HMCN2: variants seen among roughly 807,000 people sequenced by gnomAD.
The protein encoded by HMCN2 is hemicentin-2.
HMCN2 carries 325 observed loss-of-function variants against 377.5 expected under a neutral mutation model. The ratio of observed to expected loss-of-function variants is 0.86; its 90% CI spans 0.79 to 0.94. HMCN2 has a LOEUF of 0.94. Among genes scored for constraint, HMCN2 ranks in the 40% least tolerant of loss-of-function variants. The pLI, the probability that HMCN2 is intolerant of heterozygous loss-of-function variation, is 0.00. For missense variants in HMCN2, 4,543 were observed against 4,725.3 expected (o/e 0.96, Z 1.13); for synonymous variants, 2,007 against 2,046.8 (o/e 0.98, Z 0.53).
chr9:130,364,627 G>A (rs894440649), intron 40 of HMCN2, 87 bp from the exon 41 acceptor site: 2 of 688,772 alleles, frequency 2.9e-6, no homozygotes, highest in South Asian at 1.3e-4. Flanking sequence ...GCTGCTGCGA[G>A]TAGCTAGGCC....
At position 130,304,691 on chromosome 9, in the gene HMCN2, C is replaced by T; in HGVS notation, c.1544-39C>T. ...CTTGCACGATGACCCCCTCCCTTGC[C>T]TCAGCTCCTTGGTTCCTCCTGTGCT... On this transcript the variant is annotated intron_variant, in intron 10 of 97. Transcript: ENST00000683500. This position sits in a 1 kb window ranked among gnomAD's most constrained non-coding sequence, Gnocchi z 4.3. 5 of 436,764 alleles carry T rather than the reference C, an allele frequency of 1.1e-5. No individual in the cohort carries two copies. Among genetic ancestry groups the T allele is most frequent in the South Asian group, 6.6e-5 (4 of 60,352 alleles). 27.1% of individuals were successfully genotyped at this position (436,764 alleles called of 1,614,324 possible). A position where few individuals can be genotyped will look rare whatever the true frequency, so the allele number is the denominator to read the frequency against.
chr9:130,418,779 G>A lies in HMCN2; in HGVS notation c.12969G>A (p.Pro4323=), dbSNP rs1218953631. The A allele has an allele frequency of 1.3e-5, 18 of 1,434,406 alleles. No homozygotes were observed. Among genetic ancestry groups the A allele is most frequent in the South Asian group, 1.6e-5 (1 of 64,428 alleles). 88.9% of individuals were successfully genotyped at this position (1,434,406 alleles called of 1,614,324 possible). A position where few individuals can be genotyped will look rare whatever the true frequency, so the allele number is the denominator to read the frequency against. The part of the protein sequence containing the change: ...KVVILVLQSA[P]VFQVEPQDMT... Reference sequence around the variant, plus strand: ...CACCTGGGCCTCCCACAGGTGCTCCGGTGTTCCAGGTGGAGCCCCAGGACA... The same window carrying A: ...CACCTGGGCCTCCCACAGGTGCTCCAGTGTTCCAGGTGGAGCCCCAGGACA... The change falls in exon 86 of 98, where the codon CCG becomes CCA. Residue 4323 remains proline, a synonymous_variant. Coordinates refer to ENST00000683500, the MANE Select transcript of HMCN2 (RefSeq NM_001291815.2).
chr9:130,417,685 G>A (rs1470812722), intron 85 of HMCN2, among the ~76,000 whole-genome samples: 14 of 152,186 alleles, frequency 9.2e-5, no homozygotes, highest in Admixed American at 5.2e-4. Flanking sequence ...TGGAAGAGGT[G>A]AGGAATGGGC....
chr9:130,303,794 G>A lies in HMCN2; in HGVS notation c.1543+186G>A, dbSNP rs538683656. 6.6e-6 allele frequency among the ~76,000 whole-genome samples: 1 copy of A among 152,344 alleles called. No individual in the cohort carries two copies. The highest frequency in any genetic ancestry group is 1.5e-5 in the Non-Finnish European group (1 of 68,034). On this transcript the variant is annotated intron_variant, in intron 10 of 97. Coordinates refer to ENST00000683500, the MANE Select transcript of HMCN2 (RefSeq NM_001291815.2). This position sits in a 1 kb window ranked among gnomAD's most constrained non-coding sequence, Gnocchi z 5.2. ...GGGCCGTCTCACCCAGGAACGGCCT[G>A]TGGGTCTCCGCTGGAGGAAGGCTGA... is the stretch of plus-strand genomic sequence containing the variant.
At chr9:130,278,748 A>G (rs1360199215) in intron 1 of HMCN2, among the ~76,000 whole-genome samples, 1 of 150,672 alleles carries the variant, frequency 6.6e-6, no homozygotes, top group African/African-American at 2.4e-5. Flanking sequence ...ACACCCGGCT[A>G]ATTTTGTATT....
At position 130,399,546 on chromosome 9, in the gene HMCN2, C is replaced by G. The variant is rs1015696665; in HGVS notation, c.11519C>G (p.Pro3840Arg). The stretch of plus-strand genomic sequence containing the variant: ...TCCAACGCCCTGCTCCTCACGGCCC[C>G]CGGCCCCCAGGACTCAGCCCAGTTT... ...LPSNALLLTA[P>R]GPQDSAQFEC... Residue 3840 changes from proline to arginine, a missense_variant, in exon 76 of 98, where the codon CCC becomes CGC. Transcript: ENST00000683500. 7.8e-7 allele frequency: 1 copy of G among 1,289,442 alleles called. No homozygotes were observed. The highest frequency in any genetic ancestry group is 1.5e-5 in the African/African-American group (1 of 65,872). 79.9% of individuals were successfully genotyped at this position (1,289,442 alleles called of 1,614,324 possible). A position where few individuals can be genotyped will look rare whatever the true frequency, so the allele number is the denominator to read the frequency against.
chr9:130,382,030 G>A lies in HMCN2; in HGVS notation c.8432-154G>A, dbSNP rs73670541. On this transcript the variant is annotated intron_variant, in intron 54 of 97. Coordinates refer to ENST00000683500, the MANE Select transcript of HMCN2 (RefSeq NM_001291815.2). ...ACCCTGACTTGACTCCACTCCACCC[G>A]TGAGCTGGGCAGGACAGGCCGATTC... Among the ~76,000 whole-genome samples the A allele has an allele frequency of 2.5e-3, 383 of 152,214 alleles. 1 individual carries two copies. Among genetic ancestry groups the A allele is most frequent in the African/African-American group, 9.0e-3 (373 of 41,506 alleles).
At chr9:130,425,609 C>G in intron 89 of HMCN2, 78 bp from the exon 90 acceptor site, 5 of 1,013,448 alleles carry the variant, frequency 4.9e-6, no homozygotes, top group Non-Finnish European at 6.0e-6. Context: ...TCAGCATTTT[C>G]CTCCTCCCCT....
chr9:130,285,378 G>A (rs561705992), intron 3 of HMCN2, 62 bp downstream of exon 3: 7 of 459,044 alleles, frequency 1.5e-5, no homozygotes, highest in African/African-American at 1.4e-4. Flanking sequence ...GGAAGCTGGG[G>A]TCTCTCTCAC....
intron 1 of HMCN2, among the ~76,000 whole-genome samples, chr9:130,277,192 G>A (rs561979043): frequency 1.4e-4 from 22 of 152,234 alleles, no homozygotes; most frequent in Middle Eastern, 3.2e-3. Context: ...AAAAAACCCC[G>A]CCTGTGGCTT....
chr9:130,341,974 G>A (rs967515309), intron 24 of HMCN2, among the ~76,000 whole-genome samples: 5 of 151,260 alleles, frequency 3.3e-5, no homozygotes, highest in South Asian at 2.1e-4. Context: ...CCAGGAGTTC[G>A]AGACCAGTCT....
At position 130,385,735 on chromosome 9, in the gene HMCN2, G is replaced by T. The variant is rs1313240906; in HGVS notation, c.9282G>T (p.Gly3094=). The change falls in exon 60 of 98, where the codon GGG becomes GGT. Residue 3094 remains glycine (G), a synonymous_variant. Coordinates refer to ENST00000683500, the MANE Select transcript of HMCN2 (RefSeq NM_001291815.2). ...LAQRTQALRG[G]QRLEIQEAQV... is the part of the protein sequence containing the mutation. ...AGCGGACCCAGGCTCTGCGGGGTGG[G>T]CAGAGGCTGGAGATCCAGGAAGCCC... The T allele has an allele frequency of 2.3e-6, 3 of 1,304,040 alleles. No homozygotes were observed. The South Asian group carries it at 3.7e-5, about 16-fold the overall frequency. 80.8% of individuals were successfully genotyped at this position (1,304,040 alleles called of 1,614,324 possible). A position where few individuals can be genotyped will look rare whatever the true frequency, so the allele number is the denominator to read the frequency against.
chr9:130,394,060 G>A lies in HMCN2; in HGVS notation c.10501+52G>A, dbSNP rs1037857004. 1.7e-6 allele frequency: 2 copies of A among 1,192,262 alleles called. No individual in the cohort carries two copies. The allele number at this position is 1,192,262 out of a possible 1,614,324, so 73.9% of individuals were successfully genotyped here. ...TCTCTGGGCTCGGGGGAGAGGGTGGGACTCTAGGGGCAATGGGAAGGACAG... is the reference window on the plus strand; with the variant it reads ...TCTCTGGGCTCGGGGGAGAGGGTGGAACTCTAGGGGCAATGGGAAGGACAG... On this transcript the variant is annotated intron_variant, in intron 68 of 97. Transcript: ENST00000683500. The surrounding 1 kb of genome is among the most constrained non-coding windows in gnomAD (Gnocchi z 5.1).
At chr9:130,400,354 A>G (rs1842805317) in intron 76 of HMCN2, 1 of 156,488 alleles carries the variant, frequency 6.4e-6, no homozygotes, top group African/African-American at 2.4e-5. Context: ...CCTGAGCTAT[A>G]GTGCACTATG....
At chr9:130,321,388 T>C (rs1837843044) in intron 18 of HMCN2, among the ~76,000 whole-genome samples, 1 of 152,212 alleles carries the variant, frequency 6.6e-6, no homozygotes, top group South Asian at 2.1e-4. Flanking sequence ...GACTCTTTCA[T>C]TACCTCTTCC....
In HMCN2 at chr9:130,395,327, C is replaced by T. The variant is rs773671257; in HGVS notation, c.10891C>T (p.Arg3631Ter). 1.1e-4 allele frequency: 148 copies of T among 1,288,852 alleles called. No homozygotes were observed. Among genetic ancestry groups the T allele is most frequent in the Non-Finnish European group, 1.4e-4 (138 of 988,490 alleles). 79.8% of individuals were successfully genotyped at this position (1,288,852 alleles called of 1,614,324 possible). The change falls in exon 71 of 98, where the codon CGA becomes TGA. Residue 3631 changes from arginine to a stop codon, truncating the protein, a stop_gained. Transcript: ENST00000683500. LOFTEE classifies it high-confidence loss of function. Reference protein sequence around the residue: ...AEPAPKITWHRDGIVLQEDAH... With the variant: ...AEPAPKITWH ...GCCAGCGCCCAAGATCACGTGGCAC[C>T]GAGACGGCATTGTGCTGCAGGTGGG... is the stretch of plus-strand genomic sequence containing the variant.
In HMCN2 at chr9:130,432,558, A is replaced by C; in HGVS notation, c.14894+3A>C. On this transcript the variant is annotated splice_donor_region_variant and intron_variant, in intron 97 of 97. Coordinates refer to ENST00000683500, the MANE Select transcript of HMCN2 (RefSeq NM_001291815.2). ...TACCGGCAGGGCCCCAGCCCTGGGT[A>C]AGGGCTGAGTTGGCAGGGCCTCGTG... The C allele has an allele frequency of 3.2e-6, 5 of 1,550,104 alleles. No individual in the cohort carries two copies. Among genetic ancestry groups the C allele is most frequent in the Non-Finnish European group, 4.4e-6 (5 of 1,146,756 alleles).
At position 130,431,608 on chromosome 9, in the gene HMCN2, T is replaced by C; in HGVS notation, c.14767+122T>C. 7.2e-6 allele frequency: 10 copies of C among 1,385,768 alleles called. No homozygotes were observed. In the South Asian group the frequency reaches 1.4e-4, roughly 20 times the overall value. 85.8% of individuals were successfully genotyped at this position (1,385,768 alleles called of 1,614,324 possible). A position where few individuals can be genotyped will look rare whatever the true frequency, so the allele number is the denominator to read the frequency against. On this transcript the variant is annotated intron_variant, in intron 96 of 97. Transcript: ENST00000683500. ...GCCCCTTCACAACTATCCTGTGAGG[T>C]GGGGCGGGGAGGCAGGCTCAGAGGG... is the stretch of plus-strand genomic sequence containing the variant.
intron 13 of HMCN2, among the ~76,000 whole-genome samples, chr9:130,307,197 G>C (rs1444529643): frequency 6.6e-6 from 1 of 152,104 alleles, no homozygotes; most frequent in Non-Finnish European, 1.5e-5. Flanking sequence ...TGCTGGGGGC[G>C]AGGGAGAAGC....
Sources: gnomAD v4.1 joint callset for allele counts (sites outside exome capture counted in the v4.1 genomes callset) on GRCh38, gnomAD v4.1.1 for gene constraint, Gnocchi (gnomAD v3.1) non-coding constraint, MANE v1.5 for transcripts, NCBI Gene and HGNC (gene_info 2026-07-23, HGNC 2026-07-21) for gene names.